Variants in MS4A12 observed in about 807,000 individuals in gnomAD.
MS4A12 encodes membrane-spanning 4-domains subfamily A member 12.
MS4A12 carries 28 observed loss-of-function variants against 23.7 expected under a neutral mutation model. The ratio of observed to expected loss-of-function variants is 1.18; its 90% confidence interval spans 0.88 to 1.62. The LOEUF (loss-of-function observed/expected upper bound fraction) is 1.62. Among genes scored for constraint, MS4A12 ranks in the 40% most tolerant of loss-of-function variants. The pLI is 0.00. For synonymous variants in MS4A12, 108 were observed against 110.1 expected, an observed-to-expected ratio of 0.98 and a Z score of 0.12; for missense variants, 342 against 327.0, an observed-to-expected ratio of 1.05 and a Z score of -0.35.
Position 60,505,082 on chromosome 11 carries a change from C to T in MS4A12, c.588+1265C>T, listed in dbSNP as rs906563665. Among the ~76,000 whole-genome samples the T allele has an allele frequency of 1.4e-4, 22 of 152,098 alleles. 1 individual carries two copies. Among genetic ancestry groups the T allele is most frequent in the African/African-American group, 4.1e-4 (17 of 41,396 alleles). ...GGTGTATTAGTTTGTTTTCACACTG[C>T]TGATAAAGAAATACCAAAGACTGAG... On this transcript the variant is annotated intron_variant, in intron 5 of 6. Transcript: ENST00000016913.
In MS4A12 at chr11:60,502,032, G is replaced by A. The variant is rs111546873; in HGVS notation, c.464G>A (p.Arg155His). 4.6e-5 allele frequency: 74 copies of A among 1,611,614 alleles called. No individual in the cohort carries two copies. Among genetic ancestry groups the A allele is most frequent in the Admixed American group, 2.0e-4 (12 of 60,004 alleles). Residue 155 changes from arginine to histidine, a missense_variant, in exon 4 of 7, where the codon CGT becomes CAT. Coordinates refer to ENST00000016913, the MANE Select transcript of MS4A12 (RefSeq NM_017716.3). ...GTGTCAGCATCCAAGGAGCTTTCCC[G>A]TTGTCTGGTAAGTTAGACTGTCTCT... ...LSVSASKELS[R>H]CLVKGSLGMN...
At chr11:60,499,418 G>T (rs1565204098) in intron 2 of MS4A12, among the ~76,000 whole-genome samples, 2 of 152,192 alleles carry the variant, frequency 1.3e-5, no homozygotes, top group East Asian at 3.9e-4. Context: ...GGATGAGAAT[G>T]GGAAGTTTGT....
Position 60,507,195 on chromosome 11 carries a change from CTT to C in MS4A12, c.*74_*75del. 1 of 1,192,330 alleles carries C rather than the reference CTT, an allele frequency of 8.4e-7. No homozygotes were observed. The highest frequency in any genetic ancestry group is 1.2e-6 in the Non-Finnish European group (1 of 808,776). The allele number at this position is 1,192,330 out of a possible 1,614,324, so 73.9% of individuals were successfully genotyped here. A position where few individuals can be genotyped will look rare whatever the true frequency, so the allele number is the denominator to read the frequency against. ...TTGCAAAAACTTCTTAAGAAGATGT[CTT>C]TTATTGTCTACAATGATTTCTAGTC... On this transcript the variant is annotated 3_prime_UTR_variant, in exon 7 of 7. Coordinates refer to ENST00000016913, the MANE Select transcript of MS4A12 (RefSeq NM_017716.3).
chr11:60,498,349 C>T (rs530004195), intron 2 of MS4A12, among the ~76,000 whole-genome samples: 1 of 152,202 alleles, frequency 6.6e-6, no homozygotes, highest in African/African-American at 2.4e-5. Flanking sequence ...GTGCCAGAAA[C>T]TCTTCTAGCC....
At chr11:60,493,554 G>C (rs1388494206) in intron 1 of MS4A12, among the ~76,000 whole-genome samples, 1 of 152,158 alleles carries the variant, frequency 6.6e-6, no homozygotes, top group Non-Finnish European at 1.5e-5. Context: ...CCTTGGCTTT[G>C]TAACACATTT....
At chr11:60,496,269 C>G (rs754502430) in intron 1 of MS4A12, among the ~76,000 whole-genome samples, 3 of 152,076 alleles carry the variant, frequency 2.0e-5, no homozygotes, top group Admixed American at 6.5e-5. Flanking sequence ...ATCACTCTAA[C>G]TTTCTTGATA....
chr11:60,496,754 G>A (rs879336486), intron 1 of MS4A12, among the ~76,000 whole-genome samples: 6 of 152,174 alleles, frequency 3.9e-5, no homozygotes, highest in African/African-American at 7.2e-5. Flanking sequence ...TAAGTTCAAG[G>A]TGTCAGCAGA....
At chr11:60,500,751 G>A (rs954576542) in intron 2 of MS4A12, among the ~76,000 whole-genome samples, 1 of 152,214 alleles carries the variant, frequency 6.6e-6, no homozygotes, top group Non-Finnish European at 1.5e-5. Flanking sequence ...GAGGCCCTCA[G>A]AGATGCTAAT....
chr11:60,503,639 C>G, intron 4 of MS4A12, 62 bp from the exon 5 acceptor site: 1 of 1,272,518 alleles, frequency 7.9e-7, no homozygotes, highest in Non-Finnish European at 1.1e-6. Context: ...TTGATTGATT[C>G]TTATCTCACT....
At chr11:60,501,021 T>C (rs200061729) in intron 2 of MS4A12, 24 bp from the exon 3 acceptor site, 3 of 1,582,432 alleles carry the variant, frequency 1.9e-6, no homozygotes, top group East Asian at 2.3e-5. Context: ...GAAGTAATTT[T>C]AAATGGCTGT....
In MS4A12 at chr11:60,507,206, T is replaced by C. The variant is rs2135237620; in HGVS notation, c.*82T>C. 2 of 1,124,930 alleles carry C rather than the reference T, an allele frequency of 1.8e-6. No individual in the cohort carries two copies. Among genetic ancestry groups the C allele is most frequent in the Non-Finnish European group, 2.6e-6 (2 of 755,644 alleles). The allele number at this position is 1,124,930 out of a possible 1,614,324, so 69.7% of individuals were successfully genotyped here. On this transcript the variant is annotated 3_prime_UTR_variant, in exon 7 of 7. Transcript: ENST00000016913. ...TCTTAAGAAGATGTCTTTTATTGTC[T>C]ACAATGATTTCTAGTCTTTAAAAAC...
At position 60,502,022 on chromosome 11, in the gene MS4A12, G is replaced by C. The variant is rs781017742; in HGVS notation, c.454G>C (p.Glu152Gln). ...SGSLSVSASK[E>Q]LSRCLVKGSL... is the part of the protein sequence containing the mutation. ...CTCTCTCTCTGTGTCAGCATCCAAG[G>C]AGCTTTCCCGTTGTCTGGTAAGTTA... Residue 152 changes from glutamate (E) to glutamine (Q), a missense_variant, in exon 4 of 7, where the codon GAG becomes CAG. By Grantham distance (29) the Glu-to-Gln change is conservative. Transcript: ENST00000016913. 1.2e-6 allele frequency: 2 copies of C among 1,612,670 alleles called. No homozygotes were observed.
intron 4 of MS4A12, among the ~76,000 whole-genome samples, chr11:60,503,007 G>A (rs1380193196): frequency 6.6e-6 from 1 of 152,064 alleles, no homozygotes; most frequent in East Asian, 1.9e-4. Context: ...AGGCTCTAAG[G>A]CACGCTGCAG....
At chr11:60,506,943 C>T in intron 6 of MS4A12, 77 bp from the exon 7 acceptor site, 1 of 1,523,746 alleles carries the variant, frequency 6.6e-7, no homozygotes, top group East Asian at 2.3e-5. Flanking sequence ...GCTCTTTGTC[C>T]TTCACTCTGA....
chr11:60,497,267 C>T, intron 1 of MS4A12, 46 bp from the exon 2 acceptor site: 7 of 1,528,858 alleles, frequency 4.6e-6, no homozygotes, highest in Non-Finnish European at 6.2e-6. Context: ...TCTTTAGTTT[C>T]TTTTCTGGAT....
intron 1 of MS4A12, 117 bp from the exon 2 acceptor site, chr11:60,497,196 A>G: frequency 8.3e-7 from 1 of 1,208,852 alleles, no homozygotes; most frequent in Non-Finnish European, 1.2e-6. Flanking sequence ...ATGGCCCATT[A>G]TCTGCTCACT....
intron 4 of MS4A12, among the ~76,000 whole-genome samples, chr11:60,503,201 T>G (rs990173563): frequency 6.6e-6 from 1 of 152,054 alleles, no homozygotes; most frequent in Non-Finnish European, 1.5e-5. Context: ...GGGGTTCATA[T>G]TTAGTCCCCA....
In MS4A12 at chr11:60,507,172, GC is replaced by G. The variant is rs2086577576; in HGVS notation, c.*49del. The G allele has an allele frequency of 7.1e-7, 1 of 1,407,354 alleles. No individual in the cohort carries two copies. Among genetic ancestry groups the G allele is most frequent in the South Asian group, 1.2e-5 (1 of 84,866 alleles). 87.2% of individuals were successfully genotyped at this position (1,407,354 alleles called of 1,614,324 possible). A position where few individuals can be genotyped will look rare whatever the true frequency, so the allele number is the denominator to read the frequency against. On this transcript the variant is annotated 3_prime_UTR_variant, in exon 7 of 7. Coordinates refer to ENST00000016913, the MANE Select transcript of MS4A12 (RefSeq NM_017716.3). ...CTAATCTCATGGAGAAAAACTACTT[GC>G]AAAAACTTCTTAAGAAGATGTCTTT...
At chr11:60,501,862 C>A in intron 3 of MS4A12, 121 bp from the exon 4 acceptor site, 2 of 850,138 alleles carry the variant, frequency 2.4e-6, no homozygotes, top group Admixed American at 2.3e-5. Flanking sequence ...TTCAGAAGTG[C>A]GAGAGAAAAT....
Sources: allele counts gnomAD v4.1 joint callset (sites outside exome capture counted in the v4.1 genomes callset), GRCh38; gene constraint gnomAD v4.1.1; transcripts MANE v1.5; gene names NCBI Gene and HGNC (gene_info 2026-07-23, HGNC 2026-07-21).